QKI: variants seen among roughly 807,000 people sequenced by gnomAD.
The protein encoded by QKI is QKI, KH domain containing RNA binding.
Under a neutral mutation model 39.0 loss-of-function variants are expected in QKI, and 10 were observed. The observed-to-expected ratio is 0.26, with a 90% confidence interval of 0.16 to 0.43. The LOEUF is 0.43. QKI is among the 20% of genes least tolerant of loss of function. The probability of loss-of-function intolerance (pLI) is 1.00; values close to 1 mark genes in which losing one functional copy is unlikely to be tolerated. For synonymous variants in QKI, 204 were observed against 155.4 expected (o/e 1.31, Z -2.33); for missense variants, 218 against 428.0 (o/e 0.51, Z 4.33).
At chr6:163,479,406 A>G (rs949597178) in intron 3 of QKI, among the ~76,000 whole-genome samples, 16 of 152,152 alleles carry the variant, frequency 1.1e-4, no homozygotes, top group Middle Eastern at 6.8e-3. Context: ...GAGTCTCGCT[A>G]TGTCACCCAG....
intron 7 of QKI, chr6:163,569,550 T>C: frequency 8.4e-7 from 1 of 1,191,612 alleles, no homozygotes. Flanking sequence ...CCAAGTTTGG[T>C]GAAGCAGAAT....
At chr6:163,534,056 C>A in intron 3 of QKI, among the ~76,000 whole-genome samples, 1 of 152,108 alleles carries the variant, frequency 6.6e-6, no homozygotes, top group East Asian at 1.9e-4. Flanking sequence ...TGCTGTGTGC[C>A]AGGTGCATTT....
At chr6:163,569,930 G>C (rs1583238242) in intron 7 of QKI, 6 of 986,712 alleles carry the variant, frequency 6.1e-6, no homozygotes, top group Non-Finnish European at 7.2e-6. Context: ...TTACATGCAA[G>C]TGCATTTTAT....
At position 163,528,451 on chromosome 6, in the gene QKI, G is replaced by C. The variant is rs571131943; in HGVS notation, c.403-6531G>C. On this transcript the variant is annotated intron_variant, in intron 3 of 7. Transcript: ENST00000361752. ...AAAGTTGCTCTGGCTAGGTATGGTAGCTTGGTGGTACAACACTTACTGCCT... is the reference window on the plus strand; with the variant it reads ...AAAGTTGCTCTGGCTAGGTATGGTACCTTGGTGGTACAACACTTACTGCCT... Among the ~76,000 whole-genome samples the C allele has an allele frequency of 2.9e-4, 44 of 152,242 alleles. 1 individual carries two copies. The South Asian group carries it at 9.1e-3, about 32-fold the overall frequency.
chr6:163,462,098 AATAC>A (rs1287000619), intron 2 of QKI, among the ~76,000 whole-genome samples: 1 of 152,064 alleles, frequency 6.6e-6, no homozygotes, highest in African/African-American at 2.4e-5. Flanking sequence ...ATTGGGAAAA[AATAC>A]ATATATATTT....
chr6:163,548,330 G>A (rs1457831810), intron 4 of QKI, among the ~76,000 whole-genome samples: 1 of 107,672 alleles, frequency 9.3e-6, no homozygotes, highest in Non-Finnish European at 2.2e-5. Context: ...CTTTAACAAA[G>A]CACTTGTTGT....
At chr6:163,569,496 A>T in intron 7 of QKI, 1 of 1,270,336 alleles carries the variant, frequency 7.9e-7, no homozygotes, top group Non-Finnish European at 1.0e-6. Flanking sequence ...AGAAATAATT[A>T]AGCTGTTGAA....
At chr6:163,481,746 G>T (rs1280368955) in intron 3 of QKI, among the ~76,000 whole-genome samples, 1 of 152,176 alleles carries the variant, frequency 6.6e-6, no homozygotes, top group Admixed American at 6.5e-5. Flanking sequence ...ATACCCAGTG[G>T]AATGGTACTA....
intron 3 of QKI, among the ~76,000 whole-genome samples, chr6:163,492,851 C>G (rs16895060): frequency 0.013 from 1,954 of 152,028 alleles, 11 homozygotes; most frequent in Middle Eastern, 0.037. Flanking sequence ...TTGTTTAGAA[C>G]GTTTAAGATT....
chr6:163,521,616 G>A (rs1326416778), intron 3 of QKI, among the ~76,000 whole-genome samples: 2 of 152,056 alleles, frequency 1.3e-5, no homozygotes, highest in Non-Finnish European at 2.9e-5. Context: ...TCTGCCTCCT[G>A]GGTTCAAGCG....
chr6:163,538,923 A>G (rs1446977351), intron 4 of QKI, among the ~76,000 whole-genome samples: 1 of 152,220 alleles, frequency 6.6e-6, no homozygotes, highest in Non-Finnish European at 1.5e-5. Flanking sequence ...AAAGTCAAAA[A>G]ATTGGATTTG....
chr6:163,551,327 C>G (rs1782224989), intron 4 of QKI, among the ~76,000 whole-genome samples: 1 of 152,142 alleles, frequency 6.6e-6, no homozygotes, highest in African/African-American at 2.4e-5. Flanking sequence ...GCCTTAGGTC[C>G]CACAGGTTGA....
At chr6:163,532,865 T>A (rs184412439) in intron 3 of QKI, among the ~76,000 whole-genome samples, 1 of 152,200 alleles carries the variant, frequency 6.6e-6, no homozygotes, top group African/African-American at 2.4e-5. Context: ...GTCTGGAGAC[T>A]CTCAAGCCAG....
At chr6:163,513,663 A>G (rs1472829221) in intron 3 of QKI, among the ~76,000 whole-genome samples, 1 of 152,122 alleles carries the variant, frequency 6.6e-6, no homozygotes. Flanking sequence ...TAAAAGAGTG[A>G]CTTACTATTC....
intron 1 of QKI, among the ~76,000 whole-genome samples, chr6:163,429,389 GT>G (rs200688684): frequency 6.6e-6 from 1 of 151,818 alleles, no homozygotes; most frequent in Non-Finnish European, 1.5e-5. Context: ...TGGAATTACG[GT>G]TTTTAAAAAA....
chr6:163,464,227 G>A (rs922763259), intron 2 of QKI, among the ~76,000 whole-genome samples: 2 of 150,138 alleles, frequency 1.3e-5, no homozygotes, highest in African/African-American at 4.9e-5. Context: ...AAGAAACTAT[G>A]TAGTGAAATT....
intron 2 of QKI, among the ~76,000 whole-genome samples, chr6:163,472,463 A>T (rs116802894): frequency 1.4e-4 from 22 of 152,234 alleles, no homozygotes; most frequent in African/African-American, 4.1e-4. Flanking sequence ...ATGTTCTGTA[A>T]GTAGACCCAC....
At position 163,489,908 on chromosome 6, in the gene QKI, GT is replaced by G. The variant is rs901607375; in HGVS notation, c.402+11019del. ...AGAAAGGTGTACCCTGTGAGAAATG[GT>G]TTTTTTCTCGCATTTTATATTACTG... On this transcript the variant is annotated intron_variant, in intron 3 of 7. Transcript: ENST00000361752. Among the ~76,000 whole-genome samples, 20 of 152,086 alleles carry G rather than the reference GT, an allele frequency of 1.3e-4. No homozygotes were observed. The South Asian group carries it at 1.9e-3, about 14-fold the overall frequency.
At chr6:163,455,195 C>T (rs919265172) in intron 1 of QKI, 84 bp from the exon 2 acceptor site, 10 of 1,097,628 alleles carry the variant, frequency 9.1e-6, no homozygotes, top group Non-Finnish European at 1.3e-5. Context: ...ATCAATGAAA[C>T]CCTCCCCTGC....
Sources: gnomAD v4.1 joint callset for allele counts (sites outside exome capture counted in the v4.1 genomes callset) on GRCh38, gnomAD v4.1.1 for gene constraint, MANE v1.5 for transcripts, NCBI Gene and HGNC (gene_info 2026-07-23, HGNC 2026-07-21) for gene names.